The following ERBB4 variants were observed in gnomAD, a reference collection of about 807,000 sequenced individuals.
ERBB4 encodes the protein erb-b2 receptor tyrosine kinase 4.
Under a neutral mutation model 158.0 loss-of-function variants are expected in ERBB4, and 42 were observed. That is an observed-to-expected ratio of 0.27 (90% CI 0.21 to 0.34). The LOEUF (loss-of-function observed/expected upper bound fraction) is 0.34. Among genes scored for constraint, ERBB4 ranks in the 10% least tolerant of loss-of-function variants. The pLI is 1.00. For missense variants in ERBB4, 1,333 were observed against 1,624.1 expected (o/e 0.82, Z 3.08); for synonymous variants, 583 against 558.7 (o/e 1.04, Z -0.61).
At chr2:212,297,646 A>T (rs2086461926) in intron 1 of ERBB4, among the ~76,000 whole-genome samples, 1 of 129,372 alleles carries the variant, frequency 7.7e-6, no homozygotes, top group East Asian at 2.0e-4. Flanking sequence ...ACTAAAAAAT[A>T]AACTTTTACT....
intron 3 of ERBB4, among the ~76,000 whole-genome samples, chr2:211,839,697 G>A (rs185950801): frequency 3.9e-3 from 592 of 152,096 alleles, no homozygotes; most frequent in African/African-American, 0.014. Context: ...AAGATAAAAT[G>A]CTTAAAACAC....
At chr2:212,246,005 G>A (rs2084294505) in intron 1 of ERBB4, among the ~76,000 whole-genome samples, 1 of 152,152 alleles carries the variant, frequency 6.6e-6, no homozygotes, top group African/African-American at 2.4e-5. Flanking sequence ...GCATCTGCCA[G>A]TGTTCCTTTG....
intron 4 of ERBB4, among the ~76,000 whole-genome samples, chr2:211,754,126 C>T (rs1324851241): frequency 6.6e-6 from 1 of 152,076 alleles, no homozygotes; most frequent in African/African-American, 2.4e-5. Flanking sequence ...TCCCAAAGTG[C>T]TGGGATTACA....
intron 3 of ERBB4, among the ~76,000 whole-genome samples, chr2:211,815,805 G>A (rs115733573): frequency 2.6e-5 from 4 of 152,222 alleles, no homozygotes; most frequent in Admixed American, 6.5e-5. Flanking sequence ...ATCTGCCAGC[G>A]CAGCTAGAAC....
At chr2:212,044,444 T>A (rs1308506678) in intron 2 of ERBB4, among the ~76,000 whole-genome samples, 4 of 152,150 alleles carry the variant, frequency 2.6e-5, no homozygotes, top group Non-Finnish European at 5.9e-5. Flanking sequence ...CTAGTCTACC[T>A]AACCCTCCCC....
intron 20 of ERBB4, among the ~76,000 whole-genome samples, chr2:211,474,541 T>G (rs894687975): frequency 6.6e-6 from 1 of 152,054 alleles, no homozygotes; most frequent in Non-Finnish European, 1.5e-5. Flanking sequence ...ATTTATGACT[T>G]GGGCTCTTGC....
chr2:212,252,233 A>G (rs977223109), intron 1 of ERBB4, among the ~76,000 whole-genome samples: 2 of 152,076 alleles, frequency 1.3e-5, no homozygotes, highest in Non-Finnish European at 2.9e-5. Context: ...ATGACTGTAG[A>G]TAGAAAAAAG....
At chr2:212,295,458 TTCTC>T (rs968551808) in intron 1 of ERBB4, among the ~76,000 whole-genome samples, 13 of 152,078 alleles carry the variant, frequency 8.5e-5, no homozygotes, top group Non-Finnish European at 1.5e-4. Context: ...ATCTTCATGT[TTCTC>T]TCTGTTTCAA....
rs190005165 is a variant in ERBB4 at position 212,265,484 on chromosome 2, T to G, written c.83-140581A>C. 2.3e-4 allele frequency among the ~76,000 whole-genome samples: 35 copies of G among 152,208 alleles called. 1 individual carries two copies. The East Asian group carries it at 4.4e-3, about 19-fold the overall frequency. On this transcript the variant is annotated intron_variant, in intron 1 of 27. Transcript: ENST00000342788. ...CATTTATAGCTCCTATCCTAAGAAC[T>G]GCCAGATAGAGTAAGAGAGAAGTGG...
At chr2:211,566,879 T>C (rs1307255017) in intron 19 of ERBB4, among the ~76,000 whole-genome samples, 1 of 152,178 alleles carries the variant, frequency 6.6e-6, no homozygotes, top group African/African-American at 2.4e-5. Flanking sequence ...CACCTAGGTT[T>C]ACAGTTACAA....
chr2:212,250,223 TG>T (rs1299062405), intron 1 of ERBB4, among the ~76,000 whole-genome samples: 3 of 151,996 alleles, frequency 2.0e-5, no homozygotes, highest in African/African-American at 7.2e-5. Context: ...ATATTTGTTA[TG>T]GGTTTCTATT....
At chr2:212,383,070 T>G (rs1195641262) in intron 1 of ERBB4, among the ~76,000 whole-genome samples, 26 of 151,462 alleles carry the variant, frequency 1.7e-4, no homozygotes, top group Admixed American at 1.5e-3. Flanking sequence ...TTTTTAAGCT[T>G]AGAGAGTCTT....
intron 20 of ERBB4, among the ~76,000 whole-genome samples, chr2:211,436,665 A>T (rs2125444239): frequency 6.6e-6 from 1 of 152,328 alleles, no homozygotes; most frequent in East Asian, 1.9e-4. Context: ...ATTTCAGAAA[A>T]TCTGTGAACC....
At chr2:211,442,364 A>G (rs1191094084) in intron 20 of ERBB4, among the ~76,000 whole-genome samples, 1 of 143,688 alleles carries the variant, frequency 7.0e-6, no homozygotes, top group Non-Finnish European at 1.5e-5. Flanking sequence ...GATAATGTCC[A>G]ACTTTATCTA....
chr2:212,166,281 T>C (rs2081344198), intron 1 of ERBB4, among the ~76,000 whole-genome samples: 1 of 152,124 alleles, frequency 6.6e-6, no homozygotes. Context: ...TCACTGAGGA[T>C]ATGCTTCTTC....
chr2:211,841,506 T>G lies in ERBB4; in HGVS notation c.422-53347A>C, dbSNP rs185680706. Among the ~76,000 whole-genome samples, 394 of 152,098 alleles carry G rather than the reference T, an allele frequency of 2.6e-3. 3 individuals are homozygous for G. The highest frequency in any genetic ancestry group is 9.3e-3 in the African/African-American group (387 of 41,546). On this transcript the variant is annotated intron_variant, in intron 3 of 27. Coordinates refer to ENST00000342788, the MANE Select transcript of ERBB4 (RefSeq NM_005235.3). ...ACACCTTTTGAAATATTAAAGTTAG[T>G]GTGGAGAAAATAAAATGTGGCATTA... is the stretch of plus-strand genomic sequence containing the variant.
chr2:212,323,300 A>T (rs919834605), intron 1 of ERBB4, among the ~76,000 whole-genome samples: 1 of 150,600 alleles, frequency 6.6e-6, no homozygotes, highest in Non-Finnish European at 1.5e-5. Context: ...CATCCTATCT[A>T]AGCTCAGTTG....
intron 1 of ERBB4, among the ~76,000 whole-genome samples, chr2:212,341,893 G>A (rs1211144853): frequency 6.6e-6 from 1 of 152,066 alleles, no homozygotes; most frequent in African/African-American, 2.4e-5. Context: ...AGCAACAATA[G>A]CACTGTTATT....
intron 2 of ERBB4, among the ~76,000 whole-genome samples, chr2:212,052,800 T>C (rs1329685689): frequency 6.6e-6 from 1 of 152,190 alleles, no homozygotes; most frequent in African/African-American, 2.4e-5. Context: ...CTAATTTCTT[T>C]CAACACTGTA....
Sources: allele counts gnomAD v4.1 joint callset (sites outside exome capture counted in the v4.1 genomes callset), GRCh38; gene constraint gnomAD v4.1.1; transcripts MANE v1.5; gene names NCBI Gene and HGNC (gene_info 2026-07-23, HGNC 2026-07-21).